Variants in BTBD9 observed in about 807,000 individuals in gnomAD.
The protein encoded by BTBD9 is BTB domain containing 9, also known as BTB/POZ domain-containing protein 9.
A neutral mutation model predicts 64.3 loss-of-function variants in BTBD9; 49 were observed. That is an observed-to-expected ratio of 0.76 (90% CI 0.61 to 0.97). The LOEUF (loss-of-function observed/expected upper bound fraction) is 0.97. Ranked by LOEUF, BTBD9 falls within the 50% of genes least tolerant of loss-of-function variation. The pLI is 0.00. For synonymous variants in BTBD9, 260 were observed against 274.7 expected (o/e 0.95, Z 0.53); for missense variants, 598 against 762.1 (o/e 0.78, Z 2.53).
At chr6:38,320,822 T>C (rs562720685) in intron 7 of BTBD9, among the ~76,000 whole-genome samples, 1 of 152,258 alleles carries the variant, frequency 6.6e-6, no homozygotes, top group East Asian at 1.9e-4. Flanking sequence ...GGGACCAGCA[T>C]TTCATAAATC....
chr6:38,407,461 G>A (rs1767218673), intron 6 of BTBD9, among the ~76,000 whole-genome samples: 1 of 151,998 alleles, frequency 6.6e-6, no homozygotes, highest in South Asian at 2.1e-4. Flanking sequence ...GTACCAGCCT[G>A]GCTATGCCCG....
intron 6 of BTBD9, among the ~76,000 whole-genome samples, chr6:38,469,531 AG>A (rs1200572430): frequency 6.6e-6 from 1 of 152,072 alleles, no homozygotes; most frequent in Non-Finnish European, 1.5e-5. Flanking sequence ...CGTGTTAGTC[AG>A]GATGGTCTCG....
intron 7 of BTBD9, among the ~76,000 whole-genome samples, chr6:38,319,712 A>G (rs1209535239): frequency 6.6e-6 from 1 of 151,646 alleles, no homozygotes; most frequent in Admixed American, 6.6e-5. Context: ...CTCAAGCAGA[A>G]GAAAAGGGTC....
At position 38,342,514 on chromosome 6, in the gene BTBD9, C is replaced by T. The variant is rs1364327600; in HGVS notation, c.1264+2470G>A. On this transcript the variant is annotated intron_variant, in intron 7 of 10. Coordinates refer to ENST00000481247, the MANE Select transcript of BTBD9 (RefSeq NM_001099272.2). ...TTGTGCCACTGCACTCCAGCCTGGA[C>T]AACAGAGCGAGACTCTGTCTCAAAA... Among the ~76,000 whole-genome samples, 9 of 120,436 alleles carry T rather than the reference C, an allele frequency of 7.5e-5. No homozygotes were observed. In the Admixed American group the frequency reaches 9.8e-4, roughly 13 times the overall value. 79.0% of individuals were successfully genotyped at this position (120,436 alleles called of 152,430 possible). A position where few individuals can be genotyped will look rare whatever the true frequency, so the allele number is the denominator to read the frequency against.
chr6:38,475,334 A>G (rs1026699259), intron 6 of BTBD9, among the ~76,000 whole-genome samples: 1 of 152,158 alleles, frequency 6.6e-6, no homozygotes, highest in Non-Finnish European at 1.5e-5. Flanking sequence ...TACATTTAAA[A>G]GGAAAAAACA....
chr6:38,540,682 C>T (rs1201837590), intron 6 of BTBD9, among the ~76,000 whole-genome samples: 1 of 152,104 alleles, frequency 6.6e-6, no homozygotes, highest in Admixed American at 6.6e-5. Context: ...ACCCAAAGTG[C>T]AAACTTTATA....
intron 7 of BTBD9, among the ~76,000 whole-genome samples, chr6:38,291,556 T>A (rs1338956862): frequency 1.3e-5 from 2 of 152,186 alleles, no homozygotes; most frequent in African/African-American, 4.8e-5. Flanking sequence ...TGAGAGGGCA[T>A]CCTTGTCTTG....
chr6:38,609,247 G>C (rs1777532975), intron 1 of BTBD9, among the ~76,000 whole-genome samples: 1 of 152,264 alleles, frequency 6.6e-6, no homozygotes, highest in African/African-American at 2.4e-5. Flanking sequence ...GCGCACACCT[G>C]TGGTCCCAGC....
At chr6:38,219,129 C>CTTTTTTTTTT (rs5875622) in intron 9 of BTBD9, among the ~76,000 whole-genome samples, 9 of 70,884 alleles carry the variant, frequency 1.3e-4, no homozygotes, top group Non-Finnish European at 1.8e-4. Flanking sequence ...ACTTTCTTTT[C>CTTTTTTTTTT]TTTTTTTTTT....
intron 8 of BTBD9, among the ~76,000 whole-genome samples, chr6:38,261,756 G>C (rs1235863588): frequency 6.6e-6 from 1 of 152,142 alleles, no homozygotes; most frequent in Non-Finnish European, 1.5e-5. Context: ...CATACTGGTT[G>C]AGACATCCTC....
intron 6 of BTBD9, among the ~76,000 whole-genome samples, chr6:38,380,512 C>A (rs538319986): frequency 6.6e-6 from 1 of 152,168 alleles, no homozygotes; most frequent in Non-Finnish European, 1.5e-5. Context: ...GGAAATAACT[C>A]TCTTCTAACA....
chr6:38,594,985 T>C (rs1776973149), intron 2 of BTBD9, among the ~76,000 whole-genome samples: 2 of 152,202 alleles, frequency 1.3e-5, no homozygotes. Flanking sequence ...AAAATCTGAA[T>C]GTCCATCAGC....
chr6:38,304,248 G>A (rs1762538228), intron 7 of BTBD9, among the ~76,000 whole-genome samples: 1 of 151,782 alleles, frequency 6.6e-6, no homozygotes, highest in Non-Finnish European at 1.5e-5. Context: ...TAATTCATAA[G>A]GCAAAACATC....
At chr6:38,423,526 A>C (rs1768003755) in intron 6 of BTBD9, among the ~76,000 whole-genome samples, 1 of 152,064 alleles carries the variant, frequency 6.6e-6, no homozygotes, top group Non-Finnish European at 1.5e-5. Flanking sequence ...GGTGGTCTCA[A>C]ACTCATGGGC....
intron 6 of BTBD9, among the ~76,000 whole-genome samples, chr6:38,431,270 T>A (rs1768428744): frequency 6.6e-6 from 1 of 151,078 alleles, no homozygotes. Context: ...ACTAATATTA[T>A]GATTATGGGT....
intron 7 of BTBD9, among the ~76,000 whole-genome samples, chr6:38,331,942 T>C (rs187709223): frequency 6.6e-6 from 1 of 152,350 alleles, no homozygotes; most frequent in African/African-American, 2.4e-5. Flanking sequence ...CTTATTTATA[T>C]ACATATAAAA....
chr6:38,545,855 T>TACACACACACACACACACAC (rs34465570), intron 6 of BTBD9, among the ~76,000 whole-genome samples: 2 of 130,594 alleles, frequency 1.5e-5, no homozygotes, highest in African/African-American at 5.9e-5. Context: ...CACACACACA[T>TACACACACACACACACACAC]ACACACACAC....
chr6:38,345,812 T>C (rs530922698), intron 6 of BTBD9, among the ~76,000 whole-genome samples: 222 of 152,356 alleles, frequency 1.5e-3, no homozygotes, highest in Admixed American at 2.7e-3. Context: ...TTGAGCATCT[T>C]GGCCTGTTCA....
At chr6:38,247,986 T>TA (rs1764268995) in intron 9 of BTBD9, among the ~76,000 whole-genome samples, 1 of 152,198 alleles carries the variant, frequency 6.6e-6, no homozygotes, top group Admixed American at 6.5e-5. Context: ...GAAATACATG[T>TA]AAATTGGTCA....
Sources: allele counts gnomAD v4.1 joint callset (sites outside exome capture counted in the v4.1 genomes callset), GRCh38; gene constraint gnomAD v4.1.1; transcripts MANE v1.5; gene names NCBI Gene and HGNC (gene_info 2026-07-23, HGNC 2026-07-21).